CPXM2: variants seen among roughly 807,000 people sequenced by gnomAD.
The protein encoded by CPXM2 is carboxypeptidase X, M14 family member 2.
CPXM2 carries 66 observed loss-of-function variants against 86.1 expected under a neutral mutation model. The ratio of observed to expected loss-of-function variants is 0.77; its 90% CI spans 0.63 to 0.94. The LOEUF is 0.94. Among genes scored for constraint, CPXM2 ranks in the 40% least tolerant of loss-of-function variants. The pLI, the probability that CPXM2 is intolerant of heterozygous loss-of-function variation, is 0.00. For missense variants in CPXM2, 948 were observed against 1,026.3 expected (o/e 0.92, Z 1.04); for synonymous variants, 388 against 400.2 (o/e 0.97, Z 0.36).
intron 2 of CPXM2, among the ~76,000 whole-genome samples, chr10:123,867,350 A>G (rs1944807640): frequency 6.6e-6 from 1 of 152,208 alleles, no homozygotes; most frequent in Non-Finnish European, 1.5e-5. Flanking sequence ...GTAAGGGGCT[A>G]GAAAATAAAA....
chr10:123,750,452 C>A, intron 13 of CPXM2: 1 of 985,034 alleles, frequency 1.0e-6, no homozygotes, highest in Non-Finnish European at 1.2e-6. Flanking sequence ...GAATGCTATT[C>A]TTTGCTCTTC....
At position 123,862,619 on chromosome 10, in the gene CPXM2, T is replaced by C; in HGVS notation, c.508A>G (p.Ile170Val). The change falls in exon 3 of 14, where the codon ATC (isoleucine) becomes GTC (valine). Residue 170 changes from isoleucine to valine, a missense_variant. By Grantham distance (29) the Ile-to-Val change is conservative. Transcript: ENST00000241305. ...GLGAHRGRLNIQAGINENDFY... is the reference protein window; with the variant it reads ...GLGAHRGRLNVQAGINENDFY... ...CCAACCACAGGGCCAGGTACCTGGATGTTGAGTCTCCCTCGATGTGCCCCC... is the reference window on the plus strand; with the variant it reads ...CCAACCACAGGGCCAGGTACCTGGACGTTGAGTCTCCCTCGATGTGCCCCC... 6.2e-7 allele frequency: 1 copy of C among 1,613,892 alleles called. No individual in the cohort carries two copies.
intron 6 of CPXM2, among the ~76,000 whole-genome samples, chr10:123,796,075 C>T (rs1477976363): frequency 6.6e-6 from 1 of 152,196 alleles, no homozygotes; most frequent in Non-Finnish European, 1.5e-5. Context: ...TGCCCACAGT[C>T]GCCCTGTGCT....
chr10:123,846,835 G>A (rs1848505624), intron 3 of CPXM2, among the ~76,000 whole-genome samples: 1 of 152,106 alleles, frequency 6.6e-6, no homozygotes, highest in Admixed American at 6.5e-5. Context: ...CTGAACAGAT[G>A]TGGCTGCATA....
chr10:123,873,750 G>A (rs1214540074), intron 2 of CPXM2, among the ~76,000 whole-genome samples: 1 of 152,082 alleles, frequency 6.6e-6, no homozygotes, highest in African/African-American at 2.4e-5. Flanking sequence ...CAACAGACAG[G>A]TGGCACTGCA....
At chr10:123,788,279 C>CAAAA (rs55818352) in intron 6 of CPXM2, among the ~76,000 whole-genome samples, 2 of 124,248 alleles carry the variant, frequency 1.6e-5, no homozygotes, top group Non-Finnish European at 3.3e-5. Context: ...GACCCCATCT[C>CAAAA]AAAAAAAAAA....
chr10:123,891,353 T>A lies in CPXM2; in HGVS notation c.304+3A>T. The A allele has an allele frequency of 6.5e-7, 1 of 1,536,292 alleles. No homozygotes were observed. Among genetic ancestry groups the A allele is most frequent in the South Asian group, 1.2e-5 (1 of 81,050 alleles). On this transcript the variant is annotated splice_donor_region_variant and intron_variant, in intron 1 of 13. Coordinates refer to ENST00000241305, the MANE Select transcript of CPXM2 (RefSeq NM_198148.3). The surrounding 1 kb of genome is among the most constrained non-coding windows in gnomAD (Gnocchi z 5.6). Reference sequence around the variant, plus strand: ...GGGCTGCCCAGCGCAGAAAGTTCCTTACCTGGTGGAGGCGGCTCCGGAGCC... The same window carrying A: ...GGGCTGCCCAGCGCAGAAAGTTCCTAACCTGGTGGAGGCGGCTCCGGAGCC...
chr10:123,803,112 A>T (rs1590018130), intron 4 of CPXM2, among the ~76,000 whole-genome samples: 6 of 93,204 alleles, frequency 6.4e-5, no homozygotes, highest in East Asian at 2.5e-4. Flanking sequence ...TCCTCTTTGT[A>T]GTACCCTTTT....
At chr10:123,912,852 C>T (rs955624214) in intron 2 of CPXM2, among the ~76,000 whole-genome samples, 1 of 152,212 alleles carries the variant, frequency 6.6e-6, no homozygotes, top group South Asian at 2.1e-4. Flanking sequence ...GGTTCAACTA[C>T]TTTGTTGTTG....
At chr10:123,764,220 T>G (rs1400730493) in intron 10 of CPXM2, among the ~76,000 whole-genome samples, 1 of 152,204 alleles carries the variant, frequency 6.6e-6, no homozygotes, top group Non-Finnish European at 1.5e-5. Flanking sequence ...ATTTGTAGCT[T>G]GTCACAGTTT....
At chr10:123,875,228 A>G (rs1277299459) in intron 2 of CPXM2, among the ~76,000 whole-genome samples, 2 of 152,236 alleles carry the variant, frequency 1.3e-5, no homozygotes, top group African/African-American at 4.8e-5. Context: ...CTTTTTAGAG[A>G]CTAAAGAATA....
intron 4 of CPXM2, among the ~76,000 whole-genome samples, chr10:123,827,059 A>C (rs753099512): frequency 2.6e-5 from 4 of 152,196 alleles, no homozygotes; most frequent in Non-Finnish European, 5.9e-5. Context: ...CTAAAAACAA[A>C]AATCATCTTT....
At chr10:123,896,335 T>C (rs1590110486), upstream of CPXM2, among the ~76,000 whole-genome samples, 1 of 152,326 alleles carries the variant, frequency 6.6e-6, no homozygotes, top group African/African-American at 2.4e-5. Context: ...AATATAGTCT[T>C]GAGATGGATG....
rs765726113 is a variant in CPXM2, at chr10:123,747,037, G to A, written c.2018-20C>T. 31 of 1,612,564 alleles carry A rather than the reference G, an allele frequency of 1.9e-5. No homozygotes were observed. The Admixed American group carries it at 5.0e-4, about 26-fold the overall frequency. On this transcript the variant is annotated intron_variant, in intron 13 of 13. Coordinates refer to ENST00000241305, the MANE Select transcript of CPXM2 (RefSeq NM_198148.3). ...CGTTGGCTGTGAAAAAGAAAACCAG[G>A]GGAGACTCAGAGCAGCTCTTGCTAA... is the stretch of plus-strand genomic sequence containing the variant.
chr10:123,924,052 G>C (rs1945602058), intron 2 of CPXM2, among the ~76,000 whole-genome samples: 1 of 152,170 alleles, frequency 6.6e-6, no homozygotes, highest in Non-Finnish European at 1.5e-5. Context: ...TAATAGTATT[G>C]TGGTTATATA....
At chr10:123,813,512 G>C (rs1847740431) in intron 4 of CPXM2, among the ~76,000 whole-genome samples, 1 of 152,172 alleles carries the variant, frequency 6.6e-6, no homozygotes, top group Admixed American at 6.5e-5. Context: ...AAGTTATCTG[G>C]AGCTGCACAT....
intron 12 of CPXM2, among the ~76,000 whole-genome samples, chr10:123,756,771 T>A (rs1248468571): frequency 6.6e-6 from 1 of 152,082 alleles, no homozygotes; most frequent in Non-Finnish European, 1.5e-5. Flanking sequence ...CATGAAGAGG[T>A]GGCAAGATGG....
At chr10:123,906,780 C>T (rs952027649) in intron 2 of CPXM2, among the ~76,000 whole-genome samples, 2 of 152,150 alleles carry the variant, frequency 1.3e-5, no homozygotes, top group Non-Finnish European at 2.9e-5. Flanking sequence ...CATCCCCATG[C>T]ACTTTTAGGA....
intron 3 of CPXM2, among the ~76,000 whole-genome samples, chr10:123,859,549 C>T (rs1328290806): frequency 1.3e-5 from 2 of 152,182 alleles, no homozygotes; most frequent in African/African-American, 4.8e-5. Flanking sequence ...GGGGTTGACA[C>T]CAGGTACCCG....
Sources: gnomAD v4.1 joint callset for allele counts (sites outside exome capture counted in the v4.1 genomes callset) on GRCh38, gnomAD v4.1.1 for gene constraint, Gnocchi (gnomAD v3.1) non-coding constraint, MANE v1.5 for transcripts, NCBI Gene and HGNC (gene_info 2026-07-23, HGNC 2026-07-21) for gene names.